ITPRID1: variants seen among roughly 807,000 people sequenced by gnomAD.
ITPRID1 encodes ITPR interacting domain containing 1.
In ITPRID1, 96 loss-of-function variants were observed where a neutral mutation model predicts 95.4. The observed-to-expected ratio is 1.01, with a 90% CI of 0.85 to 1.19. ITPRID1 has a LOEUF of 1.19. Ranked by LOEUF, ITPRID1 falls within the 50% of genes most tolerant of loss-of-function variation. The probability of loss-of-function intolerance (pLI) is 0.00; values close to 1 mark genes in which losing one functional copy is unlikely to be tolerated. For missense variants in ITPRID1, 1,339 were observed against 1,252.9 expected, an observed-to-expected ratio of 1.07 and a Z score of -1.04; for synonymous variants, 510 against 453.6, an observed-to-expected ratio of 1.12 and a Z score of -1.58.
chr7:31,516,983 G>A (rs1169425026), intron 1 of ITPRID1, among the ~76,000 whole-genome samples: 1 of 152,200 alleles, frequency 6.6e-6, no homozygotes, highest in Non-Finnish European at 1.5e-5. Context: ...TTCGTGGTCT[G>A]GCTGACTTTA....
intron 10 of ITPRID1, among the ~76,000 whole-genome samples, chr7:31,633,059 G>A (rs1161010293): frequency 1.3e-5 from 2 of 151,908 alleles, no homozygotes; most frequent in East Asian, 3.9e-4. Context: ...GCTAATTTTT[G>A]TATTTTTAGT....
intron 10 of ITPRID1, among the ~76,000 whole-genome samples, chr7:31,607,443 C>T (rs937393935): frequency 8.5e-5 from 13 of 152,096 alleles, no homozygotes; most frequent in Admixed American, 5.2e-4. Flanking sequence ...AGTATGTTGG[C>T]TCAGCATCAA....
chr7:31,581,387 T>A (rs1238376705), intron 9 of ITPRID1, among the ~76,000 whole-genome samples: 1 of 152,164 alleles, frequency 6.6e-6, no homozygotes, highest in Non-Finnish European at 1.5e-5. Flanking sequence ...AGTCAGCCCC[T>A]CTCTTTTTAA....
intron 10 of ITPRID1, among the ~76,000 whole-genome samples, chr7:31,639,066 T>C (rs1329448141): frequency 1.3e-5 from 2 of 152,160 alleles, no homozygotes; most frequent in East Asian, 1.9e-4. Context: ...TGTGAGCCAC[T>C]GCGCCCAGCC....
At chr7:31,605,208 G>A (rs1786566505) in intron 10 of ITPRID1, among the ~76,000 whole-genome samples, 1 of 152,150 alleles carries the variant, frequency 6.6e-6, no homozygotes, top group Non-Finnish European at 1.5e-5. Context: ...GGTAGGAAGG[G>A]AGGGTGTAGC....
In ITPRID1 at chr7:31,583,134, G is replaced by A. The variant is rs760341083; in HGVS notation, c.1171G>A (p.Val391Ile). The A allele has an allele frequency of 6.2e-7, 1 of 1,608,398 alleles. No individual in the cohort carries two copies. Among genetic ancestry groups the A allele is most frequent in the East Asian group, 2.2e-5 (1 of 44,816 alleles). Residue 391 changes from valine to isoleucine, a missense_variant and splice_region_variant, in exon 10 of 15, where the codon GTC becomes ATC. Physicochemically the swap from Val to Ile is conservative, Grantham distance 29. Coordinates refer to ENST00000615280, the MANE Select transcript of ITPRID1 (RefSeq NM_001257967.3). The stretch of plus-strand genomic sequence containing the variant: ...ACATTGATGCATTTTGATATCTTAG[G>A]TCCAAAGCTTTGAAGAAGAGACTGG... The part of the protein sequence containing the change: ...KGPDSFEMEE[V>I]QSFEEETGNP...
chr7:31,587,041 G>A (rs1361042355), intron 10 of ITPRID1, among the ~76,000 whole-genome samples: 1 of 152,092 alleles, frequency 6.6e-6, no homozygotes, highest in Non-Finnish European at 1.5e-5. Flanking sequence ...CATACTGAAT[G>A]GGCAAAAACT....
chr7:31,572,598 A>T (rs1318751846), intron 7 of ITPRID1, among the ~76,000 whole-genome samples: 2 of 152,254 alleles, frequency 1.3e-5, no homozygotes, highest in African/African-American at 2.4e-5. Context: ...GTAACTGCAT[A>T]GGAAAATGTC....
At chr7:31,621,037 C>A (rs1281354974) in intron 10 of ITPRID1, among the ~76,000 whole-genome samples, 2 of 151,576 alleles carry the variant, frequency 1.3e-5, no homozygotes, top group African/African-American at 4.8e-5. Flanking sequence ...TGAAATGAAG[C>A]AAGAAGGGAA....
intron 1 of ITPRID1, among the ~76,000 whole-genome samples, chr7:31,527,645 T>TAC (rs2128129081): frequency 6.6e-6 from 1 of 152,308 alleles, no homozygotes; most frequent in South Asian, 2.1e-4. Context: ...ATAGACTCTG[T>TAC]AATTTCCAGG....
At chr7:31,571,975 C>T (rs982769298) in intron 6 of ITPRID1, 127 bp from the exon 7 acceptor site, 3 of 620,374 alleles carry the variant, frequency 4.8e-6, no homozygotes, top group Non-Finnish European at 8.5e-6. Context: ...AAGGTGTGGT[C>T]ATTATGGGAT....
chr7:31,575,171 G>A (rs955027281), intron 8 of ITPRID1, among the ~76,000 whole-genome samples: 4 of 152,146 alleles, frequency 2.6e-5, no homozygotes, highest in African/African-American at 9.7e-5. Flanking sequence ...CCCAGAAGGA[G>A]GAAAGCTGGC....
chr7:31,633,389 G>T (rs1480144467), intron 10 of ITPRID1, among the ~76,000 whole-genome samples: 1 of 152,202 alleles, frequency 6.6e-6, no homozygotes, highest in East Asian at 1.9e-4. Context: ...GTCATTGCTT[G>T]TCACCAAAAG....
At chr7:31,528,438 G>A (rs549604783) in intron 1 of ITPRID1, among the ~76,000 whole-genome samples, 24 of 152,256 alleles carry the variant, frequency 1.6e-4, no homozygotes, top group African/African-American at 5.5e-4. Flanking sequence ...CCACATCCTG[G>A]TGGATGCTGA....
In ITPRID1 at chr7:31,642,233, A is replaced by G; in HGVS notation, c.1286A>G (p.Glu429Gly). Reference sequence around the variant, plus strand: ...TCTGACAGCAGCGGGTTCCTGGAGGAGCCGCTGGAACCGCTGCCCCTCCAG... The same window carrying G: ...TCTGACAGCAGCGGGTTCCTGGAGGGGCCGCTGGAACCGCTGCCCCTCCAG... ...CQSDSSGFLE[E>G]PLEPLPLQMP... The change falls in exon 11 of 15, where the codon GAG (glutamate) becomes GGG (glycine). Residue 429 changes from glutamate (E) to glycine (G), a missense_variant. Coordinates refer to ENST00000615280, the MANE Select transcript of ITPRID1 (RefSeq NM_001257967.3). 2 of 1,556,770 alleles carry G rather than the reference A, an allele frequency of 1.3e-6. No individual in the cohort carries two copies. Among genetic ancestry groups the G allele is most frequent in the Non-Finnish European group, 1.7e-6 (2 of 1,150,574 alleles).
chr7:31,578,923 C>G (rs13223681), intron 9 of ITPRID1, among the ~76,000 whole-genome samples: 1 of 151,906 alleles, frequency 6.6e-6, no homozygotes, highest in Non-Finnish European at 1.5e-5. Context: ...CCTTTAGGGC[C>G]GGGGGTGTGT....
At chr7:31,605,092 C>T (rs1054506558) in intron 10 of ITPRID1, among the ~76,000 whole-genome samples, 3 of 151,520 alleles carry the variant, frequency 2.0e-5, no homozygotes. Context: ...AAACCGAAAT[C>T]GTGCCACTGC....
intron 9 of ITPRID1, among the ~76,000 whole-genome samples, chr7:31,582,230 G>C (rs1785429667): frequency 6.6e-6 from 1 of 152,132 alleles, no homozygotes; most frequent in African/African-American, 2.4e-5. Flanking sequence ...CCTGAGAACA[G>C]CCTACTGTCC....
chr7:31,645,023 C>T (rs1790344117), intron 12 of ITPRID1, among the ~76,000 whole-genome samples: 1 of 152,110 alleles, frequency 6.6e-6, no homozygotes, highest in African/African-American at 2.4e-5. Flanking sequence ...TTGTTGGGCT[C>T]CTAATATATG....
Sources: gnomAD v4.1 joint callset for allele counts (sites outside exome capture counted in the v4.1 genomes callset) on GRCh38, gnomAD v4.1.1 for gene constraint, MANE v1.5 for transcripts, NCBI Gene and HGNC (gene_info 2026-07-23, HGNC 2026-07-21) for gene names.